Variants in DACH2 observed in about 807,000 individuals in gnomAD.
DACH2 encodes dachshund homolog 2.
In DACH2, 17 loss-of-function variants were observed where a neutral mutation model predicts 35.8. That is an observed-to-expected ratio of 0.48 (90% CI 0.33 to 0.71). The LOEUF (loss-of-function observed/expected upper bound fraction) is 0.71, where lower values mean the gene tolerates loss of function less well. Among genes scored for constraint, DACH2 ranks in the 30% least tolerant of loss-of-function variants. DACH2 has a pLI of 0.02. For synonymous variants in DACH2, 195 were observed against 177.3 expected, an observed-to-expected ratio of 1.10 and a Z score of -0.79; for missense variants, 469 against 472.7, an observed-to-expected ratio of 0.99 and a Z score of 0.07.
At chrX:86,731,464 A>G (rs1044109362) in intron 6 of DACH2, among the ~76,000 whole-genome samples, 3 of 111,909 alleles carry the variant, frequency 2.7e-5, no homozygotes, top group Non-Finnish European at 5.7e-5. Flanking sequence ...TAAGCAAAGC[A>G]AACAACAAAA....
rs1434125573 is a variant in DACH2 at position 86,547,099 on chromosome X, A to C, written c.640+32708A>C. On this transcript the variant is annotated intron_variant, in intron 3 of 11. Coordinates refer to ENST00000373125, the MANE Select transcript of DACH2 (RefSeq NM_053281.3). Reference sequence around the variant, plus strand: ...AATTAGATACCCCTGTTTTTAGTATAAGAGTGAGAACAACATGAAACCCTC... The same window carrying C: ...AATTAGATACCCCTGTTTTTAGTATCAGAGTGAGAACAACATGAAACCCTC... Among the ~76,000 whole-genome samples, 3 of 110,901 alleles carry C rather than the reference A, an allele frequency of 2.7e-5. No individual in the cohort carries two copies. In the Admixed American group the frequency reaches 2.9e-4, roughly 11 times the overall value.
intron 1 of DACH2, among the ~76,000 whole-genome samples, chrX:86,229,557 C>T (rs1321317926): frequency 1.8e-5 from 2 of 111,633 alleles, no homozygotes; most frequent in Non-Finnish European, 3.8e-5. Context: ...TTGCTTTTGG[C>T]TGTATGGTCA....
chrX:86,718,516 C>T (rs1424817381), intron 6 of DACH2, among the ~76,000 whole-genome samples: 1 of 111,503 alleles, frequency 9.0e-6, no homozygotes, highest in Non-Finnish European at 1.9e-5. Flanking sequence ...TTTTTGCTGC[C>T]TGTGCTTTTT....
intron 1 of DACH2, among the ~76,000 whole-genome samples, chrX:86,373,038 G>A (rs753503103): frequency 1.8e-5 from 2 of 111,318 alleles, no homozygotes; most frequent in South Asian, 7.5e-4. Context: ...ATATTCCATG[G>A]TATACATATA....
chrX:86,203,691 A>G (rs1359490531), intron 1 of DACH2, among the ~76,000 whole-genome samples: 1 of 111,703 alleles, frequency 9.0e-6, no homozygotes, highest in Non-Finnish European at 1.9e-5. Flanking sequence ...AATCTGGAGG[A>G]CATGCCCCCA....
intron 3 of DACH2, among the ~76,000 whole-genome samples, chrX:86,547,048 A>G (rs1411123436): frequency 9.0e-6 from 1 of 111,034 alleles, no homozygotes; most frequent in African/African-American, 3.3e-5. Flanking sequence ...AGTAAAGTGT[A>G]GATAAATTCA....
At chrX:86,556,902 A>G (rs2039139196) in intron 3 of DACH2, among the ~76,000 whole-genome samples, 1 of 104,470 alleles carries the variant, frequency 9.6e-6, no homozygotes, top group Non-Finnish European at 2.0e-5. Flanking sequence ...TGCTGTCTGC[A>G]AGCTAGAGAA....
intron 2 of DACH2, among the ~76,000 whole-genome samples, chrX:86,472,815 G>T (rs181691473): frequency 1.3e-3 from 150 of 111,957 alleles, no homozygotes; most frequent in African/African-American, 4.6e-3. Flanking sequence ...AACTCTGAAT[G>T]CTGGAGCATT....
chrX:86,539,983 T>A (rs2148297656), intron 3 of DACH2, among the ~76,000 whole-genome samples: 1 of 111,323 alleles, frequency 9.0e-6, no homozygotes, highest in South Asian at 3.8e-4. Flanking sequence ...TAAAAATCAG[T>A]GTGAATAATT....
At chrX:86,300,518 C>T (rs1467220719) in intron 1 of DACH2, among the ~76,000 whole-genome samples, 14 of 84,425 alleles carry the variant, frequency 1.7e-4, no homozygotes, top group Admixed American at 2.9e-4. Context: ...CATCACACAC[C>T]GGGGCCTGTT....
chrX:86,348,300 C>T (rs770814237), intron 1 of DACH2, among the ~76,000 whole-genome samples: 31 of 112,008 alleles, frequency 2.8e-4, no homozygotes, highest in African/African-American at 4.2e-4. Context: ...TGAAGATGGA[C>T]GCAACTTCCA....
intron 6 of DACH2, among the ~76,000 whole-genome samples, chrX:86,724,518 T>C (rs752618013): frequency 8.0e-5 from 9 of 111,880 alleles, no homozygotes; most frequent in Non-Finnish European, 1.5e-4. Flanking sequence ...GAAAATGTCA[T>C]ACAATTCTCT....
chrX:86,795,325 C>T (rs1487980314), intron 7 of DACH2, among the ~76,000 whole-genome samples: 2 of 107,701 alleles, frequency 1.9e-5, no homozygotes, highest in Non-Finnish European at 3.8e-5. Flanking sequence ...GTTCCATCTC[C>T]TGGGTTCATG....
At chrX:86,637,241 A>AAAAAAAAAAAAAAAAC (rs1569457456) in intron 3 of DACH2, among the ~76,000 whole-genome samples, 1 of 77,926 alleles carries the variant, frequency 1.3e-5, no homozygotes, top group Non-Finnish European at 2.4e-5. Flanking sequence ...AAAAAAAAAA[A>AAAAAAAAAAAAAAAAC]AAAAACAGAT....
chrX:86,776,338 G>T (rs768067822), intron 7 of DACH2, among the ~76,000 whole-genome samples: 2 of 111,403 alleles, frequency 1.8e-5, no homozygotes, highest in Middle Eastern at 4.2e-3. Context: ...ACTTGTAAGT[G>T]CACCAATCTC....
chrX:86,356,850 T>C (rs186394818), intron 1 of DACH2, among the ~76,000 whole-genome samples: 9 of 111,698 alleles, frequency 8.1e-5, no homozygotes, highest in Admixed American at 1.9e-4. Context: ...AAGAGGTTTT[T>C]GGTTGCTTGG....
intron 1 of DACH2, among the ~76,000 whole-genome samples, chrX:86,329,605 G>A (rs1247659922): frequency 9.0e-6 from 1 of 110,691 alleles, no homozygotes; most frequent in Non-Finnish European, 1.9e-5. Context: ...TGCTGTATAT[G>A]AGTACCAGTG....
At chrX:86,317,368 A>G (rs1456753101) in intron 1 of DACH2, among the ~76,000 whole-genome samples, 2 of 111,705 alleles carry the variant, frequency 1.8e-5, no homozygotes, top group Admixed American at 1.9e-4. Flanking sequence ...ATAATTGCCC[A>G]GAACTAGAAC....
chrX:86,711,918 T>C (rs2041283775), intron 5 of DACH2, among the ~76,000 whole-genome samples: 2 of 112,351 alleles, frequency 1.8e-5, no homozygotes, highest in South Asian at 7.3e-4. Context: ...TAAGTAGGCA[T>C]ATTTCTTATT....
Sources: allele counts gnomAD v4.1 joint callset (sites outside exome capture counted in the v4.1 genomes callset), GRCh38; gene constraint gnomAD v4.1.1; transcripts MANE v1.5; gene names NCBI Gene and HGNC (gene_info 2026-07-23, HGNC 2026-07-21).